Variants in GPC5 observed in about 807,000 individuals in gnomAD.
GPC5 encodes glypican 5, also known as glypican-5.
GPC5 carries 47 observed loss-of-function variants against 53.9 expected under a neutral mutation model. The ratio of observed to expected loss-of-function variants is 0.87; its 90% CI spans 0.69 to 1.11. GPC5 has a LOEUF of 1.11. GPC5 is among the 50% of genes most tolerant of loss of function. GPC5 has a pLI of 0.00. For synonymous variants in GPC5, 286 were observed against 263.3 expected (o/e 1.09, Z -0.84); for missense variants, 748 against 713.1 (o/e 1.05, Z -0.56).
chr13:92,405,800 T>A (rs753043968), intron 7 of GPC5, among the ~76,000 whole-genome samples: 14 of 152,210 alleles, frequency 9.2e-5, no homozygotes, highest in Non-Finnish European at 1.8e-4. Context: ...AGTCTATATT[T>A]ACACGTCCTC....
chr13:91,916,931 G>A (rs1049735269), intron 6 of GPC5, among the ~76,000 whole-genome samples: 10 of 152,128 alleles, frequency 6.6e-5, no homozygotes, highest in African/African-American at 2.4e-4. Context: ...ATGAGATTTT[G>A]GGTGGAGACA....
intron 7 of GPC5, among the ~76,000 whole-genome samples, chr13:92,443,006 T>C (rs1047985256): frequency 1.3e-5 from 2 of 152,190 alleles, no homozygotes; most frequent in Non-Finnish European, 2.9e-5. Flanking sequence ...GGCTGGGTAA[T>C]TTATAAATAA....
chr13:91,554,142 G>T (rs749712855), intron 2 of GPC5, among the ~76,000 whole-genome samples: 4 of 151,742 alleles, frequency 2.6e-5, no homozygotes, highest in Non-Finnish European at 4.4e-5. Flanking sequence ...GCATTCTAGA[G>T]CTTGACAATG....
At chr13:91,976,777 C>T (rs984587194) in intron 6 of GPC5, among the ~76,000 whole-genome samples, 12 of 152,144 alleles carry the variant, frequency 7.9e-5, no homozygotes, top group Non-Finnish European at 1.6e-4. Context: ...CGGTGGCTCA[C>T]GCCTGTAATC....
In GPC5 at chr13:91,883,043, A is replaced by T. The variant is rs372799017; in HGVS notation, c.1281-24894A>T. Among the ~76,000 whole-genome samples, 6 of 152,292 alleles carry T rather than the reference A, an allele frequency of 3.9e-5. No individual in the cohort carries two copies. The East Asian group carries it at 1.2e-3, about 29-fold the overall frequency. On this transcript the variant is annotated intron_variant, in intron 5 of 7. Coordinates refer to ENST00000377067, the MANE Select transcript of GPC5 (RefSeq NM_004466.6). ...TAGGTAAGAAATTCCAGCAGGATTCATCTGAGTGATTCTCCTTCTCTCACA... is the reference window on the plus strand; with the variant it reads ...TAGGTAAGAAATTCCAGCAGGATTCTTCTGAGTGATTCTCCTTCTCTCACA...
intron 7 of GPC5, among the ~76,000 whole-genome samples, chr13:92,786,915 G>T (rs1876256563): frequency 6.6e-6 from 1 of 152,260 alleles, no homozygotes; most frequent in Admixed American, 6.5e-5. Flanking sequence ...AAGGGATCCA[G>T]GCTCCCCTGG....
intron 7 of GPC5, among the ~76,000 whole-genome samples, chr13:92,617,692 T>A (rs1310161846): frequency 6.6e-6 from 1 of 152,136 alleles, no homozygotes; most frequent in Non-Finnish European, 1.5e-5. Context: ...AATGCAAAAA[T>A]TTTACTGTTA....
intron 2 of GPC5, among the ~76,000 whole-genome samples, chr13:91,464,144 G>A (rs768705961): frequency 6.6e-6 from 1 of 152,068 alleles, no homozygotes; most frequent in Non-Finnish European, 1.5e-5. Context: ...GCAACATCTA[G>A]CTTTCCTGGA....
intron 7 of GPC5, among the ~76,000 whole-genome samples, chr13:92,439,613 C>T (rs1361025206): frequency 6.6e-6 from 1 of 151,864 alleles, no homozygotes; most frequent in Admixed American, 6.6e-5. Flanking sequence ...TGAAAGTAGT[C>T]CTGTATCACT....
At chr13:92,309,981 A>G (rs74107174) in intron 7 of GPC5, among the ~76,000 whole-genome samples, 3,442 of 152,114 alleles carry the variant, frequency 0.023, 142 homozygotes, top group African/African-American at 0.079. Context: ...TAGAATCCAC[A>G]GGTAAGAAAG....
At chr13:92,110,077 AAG>A (rs2041544906) in intron 6 of GPC5, among the ~76,000 whole-genome samples, 1 of 152,210 alleles carries the variant, frequency 6.6e-6, no homozygotes, top group Non-Finnish European at 1.5e-5. Context: ...GTGATCAGCA[AAG>A]AGAGACTACT....
rs148856447 is a variant in GPC5 at position 92,127,329 on chromosome 13, GTA to G, written c.1402-17489_1402-17488del. 1.4e-3 allele frequency among the ~76,000 whole-genome samples: 211 copies of G among 149,642 alleles called. 1 individual carries two copies. Among genetic ancestry groups the G allele is most frequent in the African/African-American group, 4.1e-3 (166 of 40,222 alleles). ...TATATGTGTATATATATGTGTATGT[GTA>G]TATATATATATCAAAAGATGCTGAT... On this transcript the variant is annotated intron_variant, in intron 6 of 7. Coordinates refer to ENST00000377067, the MANE Select transcript of GPC5 (RefSeq NM_004466.6).
At chr13:92,579,654 G>T (rs1883312017) in intron 7 of GPC5, among the ~76,000 whole-genome samples, 2 of 152,108 alleles carry the variant, frequency 1.3e-5, no homozygotes, top group East Asian at 2.0e-4. Context: ...TTTCCATATT[G>T]TCTTTTACAG....
At chr13:92,702,297 T>A in intron 7 of GPC5, among the ~76,000 whole-genome samples, 1 of 152,144 alleles carries the variant, frequency 6.6e-6, no homozygotes, top group East Asian at 1.9e-4. Flanking sequence ...TATAGCTCTA[T>A]GTCTCTGAAT....
chr13:92,170,689 T>C (rs1413611962), intron 7 of GPC5, among the ~76,000 whole-genome samples: 4 of 152,140 alleles, frequency 2.6e-5, no homozygotes, highest in Non-Finnish European at 4.4e-5. Flanking sequence ...CCTCCCAAAG[T>C]GCTGGGATTA....
At chr13:91,705,984 G>T (rs2036095382) in intron 3 of GPC5, among the ~76,000 whole-genome samples, 1 of 150,360 alleles carries the variant, frequency 6.7e-6, no homozygotes, top group East Asian at 2.0e-4. Context: ...GAGTTCAAGC[G>T]ATTCTCCTGC....
intron 7 of GPC5, among the ~76,000 whole-genome samples, chr13:92,733,577 T>TTTAA (rs1213564332): frequency 6.6e-6 from 1 of 151,748 alleles, no homozygotes; most frequent in African/African-American, 2.4e-5. Context: ...GCAAGAAATA[T>TTTAA]TTAATAATGA....
At chr13:91,534,316 ACT>A (rs1490689321) in intron 2 of GPC5, among the ~76,000 whole-genome samples, 5 of 152,010 alleles carry the variant, frequency 3.3e-5, no homozygotes, top group South Asian at 2.1e-4. Context: ...ATACAATTGC[ACT>A]CTTTTTCCCT....
chr13:92,624,042 A>G (rs1884967339), intron 7 of GPC5, among the ~76,000 whole-genome samples: 1 of 147,044 alleles, frequency 6.8e-6, no homozygotes, highest in African/African-American at 2.5e-5. Context: ...TTCTATTTTT[A>G]GTAGAGACGG....
Sources: allele counts gnomAD v4.1 joint callset (sites outside exome capture counted in the v4.1 genomes callset), GRCh38; gene constraint gnomAD v4.1.1; transcripts MANE v1.5; gene names NCBI Gene and HGNC (gene_info 2026-07-23, HGNC 2026-07-21).